Variants in PTGIS observed in about 807,000 individuals in gnomAD.
The protein encoded by PTGIS is prostaglandin I2 synthase.
Under a neutral mutation model 50.3 loss-of-function variants are expected in PTGIS, and 45 were observed. That is an observed-to-expected ratio of 0.90 (90% CI 0.70 to 1.15). The LOEUF (loss-of-function observed/expected upper bound fraction) is 1.15, where lower values mean the gene tolerates loss of function less well. Ranked by LOEUF, PTGIS falls within the 50% of genes most tolerant of loss-of-function variation. The pLI is 0.00. For synonymous variants in PTGIS, 260 were observed against 267.7 expected (o/e 0.97, Z 0.28); for missense variants, 668 against 661.3 (o/e 1.01, Z -0.11).
rs190123205 is a variant in PTGIS at position 49,543,706 on chromosome 20, G to A, written c.521+599C>T. ...GACCCCCAGAGCATGACCCTGCCTC[G>A]TCAGTCGGCCTAAGAAAGCCCCCCA... On this transcript the variant is annotated intron_variant, in intron 4 of 9. Transcript: ENST00000244043. Among the ~76,000 whole-genome samples the A allele has an allele frequency of 6.5e-4, 99 of 152,252 alleles. 1 individual carries two copies. Among genetic ancestry groups the A allele is most frequent in the African/African-American group, 2.2e-3 (92 of 41,542 alleles).
intron 3 of PTGIS, 67 bp downstream of exon 3, chr20:49,547,774 G>C: frequency 6.5e-7 from 1 of 1,529,168 alleles, no homozygotes; most frequent in South Asian, 1.1e-5. Flanking sequence ...AGAATAACTT[G>C]GGCCACATGA....
At position 49,536,478 on chromosome 20, in the gene PTGIS, CT is replaced by C. The variant is rs761478359; in HGVS notation, c.673+3091del. Among the ~76,000 whole-genome samples, 341 of 108,664 alleles carry C rather than the reference CT, an allele frequency of 3.1e-3. 2 individuals are homozygous for C. Among genetic ancestry groups the C allele is most frequent in the African/African-American group, 0.01 (243 of 24,234 alleles). 71.3% of individuals were successfully genotyped at this position (108,664 alleles called of 152,430 possible). ...CTTTTCTTTCTTTCTTTCTTTCTTT[CT>C]TTTTTTTTTTTTTTTTTTTGAGACG... is the stretch of plus-strand genomic sequence containing the variant. On this transcript the variant is annotated intron_variant, in intron 5 of 9. Coordinates refer to ENST00000244043, the MANE Select transcript of PTGIS (RefSeq NM_000961.4).
At chr20:49,546,336 C>A (rs930367531) in intron 3 of PTGIS, among the ~76,000 whole-genome samples, 1 of 152,206 alleles carries the variant, frequency 6.6e-6, no homozygotes, top group Non-Finnish European at 1.5e-5. Flanking sequence ...CCCCCAGGGT[C>A]CCCCTGGAAT....
intron 5 of PTGIS, among the ~76,000 whole-genome samples, chr20:49,535,540 G>A (rs1187207126): frequency 6.6e-6 from 1 of 152,218 alleles, no homozygotes; most frequent in Non-Finnish European, 1.5e-5. Flanking sequence ...TTGAGATGGA[G>A]TCTTGCTCTG....
intron 1 of PTGIS, among the ~76,000 whole-genome samples, chr20:49,556,759 T>C (rs1242518183): frequency 6.6e-6 from 1 of 152,218 alleles, no homozygotes; most frequent in Non-Finnish European, 1.5e-5. Flanking sequence ...TATTAGAGTC[T>C]AGACTTGTCT....
At chr20:49,508,560 T>A (rs893939209) in intron 9 of PTGIS, among the ~76,000 whole-genome samples, 2 of 152,036 alleles carry the variant, frequency 1.3e-5, no homozygotes, top group African/African-American at 4.8e-5. Context: ...ATACGGCGAC[T>A]CCTCTGGATC....
chr20:49,550,076 T>C lies in PTGIS; in HGVS notation c.188A>G (p.Asp63Gly). ...ACAAGAGGCACTTACAGTAAAGATGTCACCGTGCTTCTCCTTCATCCTCGT... is the reference window on the plus strand; with the variant it reads ...ACAAGAGGCACTTACAGTAAAGATGCCACCGTGCTTCTCCTTCATCCTCGT... Reference protein sequence around the residue: ...FLTRMKEKHGDIFTILVGGRY... With the variant: ...FLTRMKEKHGGIFTILVGGRY... Residue 63 changes from aspartate to glycine, a missense_variant, in exon 2 of 10, where the codon GAC becomes GGC. Transcript: ENST00000244043. The C allele has an allele frequency of 6.2e-7, 1 of 1,614,150 alleles. No individual in the cohort carries two copies. The highest frequency in any genetic ancestry group is 8.5e-7 in the Non-Finnish European group (1 of 1,180,022).
At chr20:49,565,974 A>C (rs971844394) in intron 1 of PTGIS, among the ~76,000 whole-genome samples, 1 of 152,240 alleles carries the variant, frequency 6.6e-6, no homozygotes, top group African/African-American at 2.4e-5. Flanking sequence ...TCACGCCTGT[A>C]ATCTCAGCAC....
intron 5 of PTGIS, among the ~76,000 whole-genome samples, chr20:49,536,025 A>T (rs1445283188): frequency 6.6e-6 from 1 of 152,234 alleles, no homozygotes; most frequent in African/African-American, 2.4e-5. Flanking sequence ...TCTCTAAAAG[A>T]TGTTTATATC....
chr20:49,527,939 C>T lies in PTGIS; in HGVS notation c.674-3700G>A, dbSNP rs145417667. Reference sequence around the variant, plus strand: ...TCACTTGAGTTCAGGAGTTTGAAGCCAGCCTGACCAACATGGTGAAACCCC... The same window carrying T: ...TCACTTGAGTTCAGGAGTTTGAAGCTAGCCTGACCAACATGGTGAAACCCC... On this transcript the variant is annotated intron_variant, in intron 5 of 9. Transcript: ENST00000244043. Among the ~76,000 whole-genome samples, 389 of 152,110 alleles carry T rather than the reference C, an allele frequency of 2.6e-3. 3 individuals are homozygous for T. The highest frequency in any genetic ancestry group is 0.017 in the Middle Eastern group (5 of 294).
At chr20:49,521,438 C>T (rs1981649260) in intron 6 of PTGIS, among the ~76,000 whole-genome samples, 1 of 152,208 alleles carries the variant, frequency 6.6e-6, no homozygotes, top group Non-Finnish European at 1.5e-5. Flanking sequence ...CATCTTGTCC[C>T]CAGCTCCTGC....
intron 5 of PTGIS, among the ~76,000 whole-genome samples, chr20:49,533,847 G>C (rs771074858): frequency 6.6e-6 from 1 of 152,078 alleles, no homozygotes; most frequent in Non-Finnish European, 1.5e-5. Context: ...TGTAATCCCA[G>C]CTACTCGGGG....
At chr20:49,552,427 G>A (rs1353820450) in intron 1 of PTGIS, among the ~76,000 whole-genome samples, 6 of 152,108 alleles carry the variant, frequency 3.9e-5, no homozygotes, top group Non-Finnish European at 7.4e-5. Flanking sequence ...AAATCCTACA[G>A]AAGATTTCTA....
rs191818481 is a variant in PTGIS, at chr20:49,508,903, C to T, written c.1359-839G>A. Among the ~76,000 whole-genome samples, 13 of 152,336 alleles carry T rather than the reference C, an allele frequency of 8.5e-5. No homozygotes were observed. In the East Asian group the frequency reaches 2.5e-3, roughly 29 times the overall value. On this transcript the variant is annotated intron_variant, in intron 9 of 9. Coordinates refer to ENST00000244043, the MANE Select transcript of PTGIS (RefSeq NM_000961.4). Reference sequence around the variant, plus strand: ...CTCCCTGCCTCATCTTACCAATGCCCATGTTCGTAAGGGTCAGGAGAATAT... The same window carrying T: ...CTCCCTGCCTCATCTTACCAATGCCTATGTTCGTAAGGGTCAGGAGAATAT...
chr20:49,504,396 T>C lies in PTGIS; in HGVS notation c.*3524A>G, dbSNP rs1981083290. Reference sequence around the variant, plus strand: ...AGCAATTGGGGGGAAAAAAAGTTCATTTTAAAAACAAAGTTTAGGCCGGGC... The same window carrying C: ...AGCAATTGGGGGGAAAAAAAGTTCACTTTAAAAACAAAGTTTAGGCCGGGC... On this transcript the variant is annotated 3_prime_UTR_variant, in exon 10 of 10. Coordinates refer to ENST00000244043, the MANE Select transcript of PTGIS (RefSeq NM_000961.4). 2 of 152,178 alleles carry C rather than the reference T, an allele frequency of 1.3e-5. No homozygotes were observed. The highest frequency in any genetic ancestry group is 2.9e-5 in the Non-Finnish European group (2 of 68,028). 9.4% of individuals were successfully genotyped at this position (152,178 alleles called of 1,614,324 possible). A position where few individuals can be genotyped will look rare whatever the true frequency, so the allele number is the denominator to read the frequency against.
intron 5 of PTGIS, among the ~76,000 whole-genome samples, chr20:49,525,477 T>C (rs1057362559): frequency 6.6e-6 from 1 of 152,134 alleles, no homozygotes; most frequent in Non-Finnish European, 1.5e-5. Context: ...AGTGAGTTAG[T>C]ACATTTTACC....
In PTGIS at chr20:49,536,300, A is replaced by C. The variant is rs189765790; in HGVS notation, c.673+3270T>G. 6.9e-3 allele frequency among the ~76,000 whole-genome samples: 1,048 copies of C among 152,318 alleles called. 4 individuals carry two copies. Among genetic ancestry groups the C allele is most frequent in the Non-Finnish European group, 8.8e-3 (600 of 68,022 alleles). ...AAGATTATGATTCTCTCATAATGTA[A>C]ACAAAATCAATAATGCATTAAAGTT... On this transcript the variant is annotated intron_variant, in intron 5 of 9. Transcript: ENST00000244043.
intron 1 of PTGIS, among the ~76,000 whole-genome samples, chr20:49,564,875 A>G (rs1046996463): frequency 6.6e-6 from 1 of 152,176 alleles, no homozygotes; most frequent in African/African-American, 2.4e-5. Flanking sequence ...GGATAAAGAA[A>G]TGAGACAAGG....
At chr20:49,515,271 T>C (rs984538956) in intron 6 of PTGIS, among the ~76,000 whole-genome samples, 6 of 152,260 alleles carry the variant, frequency 3.9e-5, no homozygotes, top group Non-Finnish European at 8.8e-5. Flanking sequence ...TCATCATTGA[T>C]GACTGAAAGC....
Sources: allele counts gnomAD v4.1 joint callset (sites outside exome capture counted in the v4.1 genomes callset), GRCh38; gene constraint gnomAD v4.1.1; transcripts MANE v1.5; gene names NCBI Gene and HGNC (gene_info 2026-07-23, HGNC 2026-07-21).